The following PTPRG variants were observed in gnomAD, a reference collection of about 807,000 sequenced individuals.
PTPRG encodes receptor-type tyrosine-protein phosphatase gamma.
Under a neutral mutation model 165.3 loss-of-function variants are expected in PTPRG, and 102 were observed. That is an observed-to-expected ratio of 0.62 (90% CI 0.53 to 0.73). The LOEUF (loss-of-function observed/expected upper bound fraction) is 0.73. PTPRG is among the 30% of genes least tolerant of loss of function. PTPRG has a pLI of 0.00. For synonymous variants in PTPRG, 675 were observed against 669.5 expected (o/e 1.01, Z -0.13); for missense variants, 1,866 against 1,861.4 (o/e 1.00, Z -0.05).
At chr3:62,010,580 G>C (rs1054290957) in intron 4 of PTPRG, among the ~76,000 whole-genome samples, 1 of 151,860 alleles carries the variant, frequency 6.6e-6, no homozygotes, top group Non-Finnish European at 1.5e-5. Context: ...GGTAGTGCTG[G>C]CTACTCAGCA....
intron 2 of PTPRG, among the ~76,000 whole-genome samples, chr3:61,869,574 C>T (rs1001620890): frequency 2.0e-5 from 3 of 151,730 alleles, no homozygotes; most frequent in African/African-American, 4.8e-5. Context: ...CTCCCCTCCC[C>T]TCCCCTCCCT....
intron 2 of PTPRG, among the ~76,000 whole-genome samples, chr3:61,883,914 C>A (rs1285684655): frequency 6.6e-6 from 1 of 152,166 alleles, no homozygotes; most frequent in African/African-American, 2.4e-5. Flanking sequence ...CAGGGTCTTA[C>A]CATGTTGCTC....
At chr3:61,976,649 T>C (rs1274201928) in intron 2 of PTPRG, among the ~76,000 whole-genome samples, 1 of 152,024 alleles carries the variant, frequency 6.6e-6, no homozygotes, top group Non-Finnish European at 1.5e-5. Flanking sequence ...TGATATAACA[T>C]CACATGGAAA....
intron 1 of PTPRG, among the ~76,000 whole-genome samples, chr3:61,744,544 A>G (rs886460708): frequency 6.6e-6 from 1 of 152,192 alleles, no homozygotes; most frequent in Non-Finnish European, 1.5e-5. Flanking sequence ...AAGGTACAGT[A>G]AAAAATACTT....
At chr3:61,830,202 T>C (rs2036234623) in intron 2 of PTPRG, among the ~76,000 whole-genome samples, 2 of 152,344 alleles carry the variant, frequency 1.3e-5, no homozygotes, top group Admixed American at 1.3e-4. Flanking sequence ...ATACTGCCAG[T>C]TCTGAAAACC....
chr3:61,974,533 A>C (rs1422694245), intron 2 of PTPRG, among the ~76,000 whole-genome samples: 1 of 151,016 alleles, frequency 6.6e-6, no homozygotes, highest in Non-Finnish European at 1.5e-5. Flanking sequence ...AGCCTGGGCA[A>C]CAAAGCAAGA....
At chr3:61,976,697 G>C (rs902974607) in intron 2 of PTPRG, among the ~76,000 whole-genome samples, 4 of 151,824 alleles carry the variant, frequency 2.6e-5, no homozygotes, top group Non-Finnish European at 5.9e-5. Flanking sequence ...TTTTTTGAGA[G>C]GGAGTCTCGG....
intron 2 of PTPRG, among the ~76,000 whole-genome samples, chr3:61,925,386 G>C (rs2039182244): frequency 6.6e-6 from 1 of 152,150 alleles, no homozygotes; most frequent in African/African-American, 2.4e-5. Flanking sequence ...TCCAAAGCAG[G>C]AGCTGAGGGA....
chr3:62,206,761 C>T (rs533441802), intron 12 of PTPRG, among the ~76,000 whole-genome samples: 8 of 151,832 alleles, frequency 5.3e-5, no homozygotes, highest in Non-Finnish European at 8.8e-5. Flanking sequence ...GGTGAAACCC[C>T]GTCTCTAGAA....
intron 2 of PTPRG, among the ~76,000 whole-genome samples, chr3:61,917,059 G>A (rs1430877558): frequency 1.3e-5 from 2 of 152,094 alleles, no homozygotes; most frequent in African/African-American, 4.8e-5. Flanking sequence ...GGAATGCTAC[G>A]GAATCAGCTC....
intron 2 of PTPRG, among the ~76,000 whole-genome samples, chr3:61,860,981 A>C (rs533047388): frequency 6.6e-6 from 1 of 152,052 alleles, no homozygotes; most frequent in Non-Finnish European, 1.5e-5. Context: ...TCTGTCCCCA[A>C]CCCGGGCAAC....
chr3:61,568,300 G>GATTTTAAA (rs1699969756), intron 1 of PTPRG, among the ~76,000 whole-genome samples: 1 of 152,174 alleles, frequency 6.6e-6, no homozygotes, highest in Non-Finnish European at 1.5e-5. Context: ...AAGTAATACA[G>GATTTTAAA]GTAAATTTCA....
rs1396052276 is a variant in PTPRG at position 62,273,871 on chromosome 3, C to T, written c.3465+27C>T. 1 of 1,607,718 alleles carries T rather than the reference C, an allele frequency of 6.2e-7. No homozygotes were observed. Among genetic ancestry groups the T allele is most frequent in the South Asian group, 1.1e-5 (1 of 90,740 alleles). ...TAGTGCTTTGAAAAAGTTTCTTTGG[C>T]ATAAAGCAAGAAAATGTTTTAAATG... On this transcript the variant is annotated intron_variant, in intron 23 of 29. Coordinates refer to ENST00000474889, the MANE Select transcript of PTPRG (RefSeq NM_002841.4). This position sits in a 1 kb window ranked among gnomAD's most constrained non-coding sequence, Gnocchi z 4.1.
At chr3:61,742,897 T>C (rs1003027402) in intron 1 of PTPRG, 1 of 1,490,178 alleles carries the variant, frequency 6.7e-7, no homozygotes, top group African/African-American at 1.4e-5. Flanking sequence ...ACAGTGCTGC[T>C]GGTCCCCCAG....
In PTPRG at chr3:62,210,827, A is replaced by ATAGCATATAATACAAATAATATACAAAT. The variant is rs1426521345; in HGVS notation, c.2155+6878_2155+6905dup. Among the ~76,000 whole-genome samples, 1 of 152,230 alleles carries ATAGCATATAATACAAATAATATACAAAT rather than the reference A, an allele frequency of 6.6e-6. No individual in the cohort carries two copies. The highest frequency in any genetic ancestry group is 1.5e-5 in the Non-Finnish European group (1 of 68,048). On this transcript the variant is annotated intron_variant, in intron 12 of 29. Transcript: ENST00000474889. The surrounding 1 kb of genome is among the most constrained non-coding windows in gnomAD (Gnocchi z 4.1). ...TTCTAGCTTACTTTATTGTAAGAAT[A>ATAGCATATAATACAAATAATATACAAAT]TAGCATATAATACAAATAATATACA...
chr3:61,748,724 T>C (rs1264990741), intron 1 of PTPRG, among the ~76,000 whole-genome samples, 154 bp from the exon 2 acceptor site: 2 of 80,414 alleles, frequency 2.5e-5, no homozygotes, highest in Admixed American at 1.3e-4. Flanking sequence ...GACTTTCCTA[T>C]AGTTTTTTTT....
intron 1 of PTPRG, among the ~76,000 whole-genome samples, chr3:61,595,879 G>A (rs572820087): frequency 6.6e-6 from 1 of 152,310 alleles, no homozygotes; most frequent in Admixed American, 6.5e-5. Flanking sequence ...AGAATAAGCA[G>A]CTATAGCCTG....
intron 2 of PTPRG, among the ~76,000 whole-genome samples, chr3:61,832,482 G>T (rs1473285451): frequency 6.6e-6 from 1 of 152,106 alleles, no homozygotes; most frequent in Non-Finnish European, 1.5e-5. Flanking sequence ...AACTGACCTG[G>T]ACTTGAACCC....
At chr3:61,679,353 A>G (rs552276292) in intron 1 of PTPRG, among the ~76,000 whole-genome samples, 1 of 152,294 alleles carries the variant, frequency 6.6e-6, no homozygotes, top group South Asian at 2.1e-4. Context: ...TCAGTTTCAG[A>G]GGACTTGGTG....
Sources: gnomAD v4.1 joint callset for allele counts (sites outside exome capture counted in the v4.1 genomes callset) on GRCh38, gnomAD v4.1.1 for gene constraint, Gnocchi (gnomAD v3.1) non-coding constraint, MANE v1.5 for transcripts, NCBI Gene and HGNC (gene_info 2026-07-23, HGNC 2026-07-21) for gene names.